The following COL16A1 variants were observed in gnomAD, a reference collection of about 807,000 sequenced individuals.
COL16A1 encodes the protein collagen alpha-1(XVI) chain.
Under a neutral mutation model 266.3 loss-of-function variants are expected in COL16A1, and 189 were observed. The ratio of observed to expected loss-of-function variants is 0.71; its 90% CI spans 0.63 to 0.80. COL16A1 has a LOEUF of 0.80. COL16A1 is among the 30% of genes least tolerant of loss of function. The pLI is 0.00. For synonymous variants in COL16A1, 740 were observed against 782.3 expected (o/e 0.95, Z 0.90); for missense variants, 1,928 against 2,122.4 (o/e 0.91, Z 1.80).
intron 10 of COL16A1, 51 bp from the exon 11 acceptor site, chr1:31,695,272 C>T: frequency 6.3e-7 from 1 of 1,578,436 alleles, no homozygotes; most frequent in Non-Finnish European, 8.7e-7. Flanking sequence ...CTGGGGTGAG[C>T]CCTCCCCACC....
intron 22 of COL16A1, 89 bp downstream of exon 22, chr1:31,690,278 C>T (rs1644200309): frequency 6.3e-7 from 1 of 1,585,000 alleles, no homozygotes; most frequent in Admixed American, 1.8e-5. Flanking sequence ...TCCAGCACCC[C>T]TAGGCCTAGG....
chr1:31,654,954 G>T, intron 67 of COL16A1, 96 bp from the exon 68 acceptor site: 1 of 1,199,902 alleles, frequency 8.3e-7, no homozygotes, highest in Non-Finnish European at 1.2e-6. Context: ...AAAGGTCCCA[G>T]GAGCCTCCCA....
At chr1:31,689,977 G>T in intron 22 of COL16A1, 126 bp from the exon 23 acceptor site, 1 of 751,100 alleles carries the variant, frequency 1.3e-6, no homozygotes, top group Admixed American at 2.5e-5. Flanking sequence ...ACATCAAAGT[G>T]GACAGCAGGA....
In COL16A1 at chr1:31,697,856, C is replaced by G. The variant is rs115230219; in HGVS notation, c.657+50G>C. ...CGATACGGATTCCAGGAAGCCCACT[C>G]AGGTTCCCAGAAGGCAGGAACAGAG... On this transcript the variant is annotated intron_variant, in intron 6 of 70. Transcript: ENST00000373672. This position sits in a 1 kb window ranked among gnomAD's most constrained non-coding sequence, Gnocchi z 4.2. 141 of 1,543,086 alleles carry G rather than the reference C, an allele frequency of 9.1e-5. No individual in the cohort carries two copies. The African/African-American group carries it at 1.8e-3, about 20-fold the overall frequency.
In COL16A1 at chr1:31,679,667, C is replaced by T. The variant is rs1250436955; in HGVS notation, c.2737G>A (p.Gly913Arg). The stretch of plus-strand genomic sequence containing the variant: ...GGTACTCCAGGGGGGCCTGGTGGTC[C>T]GGGAATACCTGGTGGACCCTGAGGG... ...PGPQGPPGIP[G>R]PPGPPGVPGL... Residue 913 changes from glycine (G) to arginine (R), a missense_variant, in exon 42 of 71, where the codon GGA becomes AGA. Transcript: ENST00000373672. 2 of 1,613,980 alleles carry T rather than the reference C, an allele frequency of 1.2e-6. No homozygotes were observed. Among genetic ancestry groups the T allele is most frequent in the Admixed American group, 1.7e-5 (1 of 60,000 alleles).
At chr1:31,680,149 C>G in intron 39 of COL16A1, 48 bp from the exon 40 acceptor site, 1 of 1,595,690 alleles carries the variant, frequency 6.3e-7, no homozygotes, top group Non-Finnish European at 8.5e-7. Context: ...ACGAAGGGCT[C>G]TCTTGAAATG....
rs1293039795 is a variant in COL16A1 at position 31,672,539 on chromosome 1, G to C, written c.3019-37C>G. 6 of 1,613,696 alleles carry C rather than the reference G, an allele frequency of 3.7e-6. No individual in the cohort carries two copies. In the East Asian group the frequency reaches 6.7e-5, roughly 18 times the overall value. On this transcript the variant is annotated intron_variant, in intron 46 of 70. Coordinates refer to ENST00000373672, the MANE Select transcript of COL16A1 (RefSeq NM_001856.4). ...TGGAGACGGTGATAGTGAGCAGTCA[G>C]GGCCTGTCCCTGTGGGGCATGGGGC...
intron 63 of COL16A1, 79 bp from the exon 64 acceptor site, chr1:31,658,656 C>A: frequency 7.6e-7 from 1 of 1,307,306 alleles, no homozygotes; most frequent in South Asian, 1.3e-5. Flanking sequence ...GACAGACACC[C>A]CATCGTGTGC....
rs1289514759 is a variant in COL16A1, at chr1:31,654,011, A to G, written c.4390T>C (p.Phe1464Leu). ...GGAGCTGCCGCCATCTCCATGGGGA[A>G]CTGCATCCTGGAGGTGTAGTAAGCC... Reference protein sequence around the residue: ...RMAYYTSRMQFPMEMAAAPGR... With the variant: ...RMAYYTSRMQLPMEMAAAPGR... The change falls in exon 69 of 71, where the codon TTC becomes CTC. Residue 1464 changes from phenylalanine to leucine, a missense_variant. Transcript: ENST00000373672. The G allele has an allele frequency of 1.9e-6, 3 of 1,614,130 alleles. No homozygotes were observed.
At position 31,684,517 on chromosome 1, in the gene COL16A1, A is replaced by T; in HGVS notation, c.2160+6T>A. On this transcript the variant is annotated splice_donor_region_variant and intron_variant, in intron 31 of 70. Coordinates refer to ENST00000373672, the MANE Select transcript of COL16A1 (RefSeq NM_001856.4). ...TCCCCGACCCCAACCACCCCGCCTG[A>T]CTAACCTTTTCTCCTTTTGGCCCCG... 2.5e-6 allele frequency: 4 copies of T among 1,610,496 alleles called. No individual in the cohort carries two copies. The Admixed American group carries it at 6.7e-5, about 27-fold the overall frequency.
chr1:31,690,453 G>A (rs2148802085), intron 21 of COL16A1, 60 bp from the exon 22 acceptor site: 1 of 1,614,198 alleles, frequency 6.2e-7, no homozygotes. Flanking sequence ...TGCCAACTGA[G>A]GGCCGGAGGA....
intron 44 of COL16A1, among the ~76,000 whole-genome samples, chr1:31,674,725 G>A (rs1420422385): frequency 6.6e-6 from 1 of 152,168 alleles, no homozygotes; most frequent in African/African-American, 2.4e-5. Context: ...GGGTCTCATT[G>A]CCAGCTGCTG....
At position 31,681,113 on chromosome 1, in the gene COL16A1, C is replaced by T. The variant is rs765454782; in HGVS notation, c.2539-46G>A. ...GTCAGAGGGTGAGACTGGGCAGCGGCCAGCCATCTGGCCTGCTGCAGAAAA... is the reference window on the plus strand; with the variant it reads ...GTCAGAGGGTGAGACTGGGCAGCGGTCAGCCATCTGGCCTGCTGCAGAAAA... On this transcript the variant is annotated intron_variant, in intron 37 of 70. Transcript: ENST00000373672. 2.5e-6 allele frequency: 4 copies of T among 1,576,390 alleles called. No individual in the cohort carries two copies. In the African/African-American group the frequency reaches 4.1e-5, roughly 16 times the overall value.
intron 12 of COL16A1, 53 bp downstream of exon 12, chr1:31,694,091 T>G: frequency 6.5e-7 from 1 of 1,547,614 alleles, no homozygotes; most frequent in Middle Eastern, 1.7e-4. Context: ...GCTGTGGGAA[T>G]GGCTGGGGAT....
Position 31,679,694 on chromosome 1 carries a change from G to T in COL16A1, c.2719-9C>A. The T allele has an allele frequency of 6.2e-7, 1 of 1,614,002 alleles. No homozygotes were observed. Among genetic ancestry groups the T allele is most frequent in the Non-Finnish European group, 8.5e-7 (1 of 1,179,986 alleles). On this transcript the variant is annotated splice_polypyrimidine_tract_variant and intron_variant, in intron 41 of 70. Coordinates refer to ENST00000373672, the MANE Select transcript of COL16A1 (RefSeq NM_001856.4). ...GGAATACCTGGTGGACCCTGAGGGA[G>T]AGAGAAAAGAGTCAGAGCCAGCAGA...
chr1:31,672,935 C>G, intron 44 of COL16A1, 95 bp from the exon 45 acceptor site: 3 of 1,146,108 alleles, frequency 2.6e-6, no homozygotes, highest in Non-Finnish European at 3.8e-6. Flanking sequence ...AGCCAGGGCT[C>G]CCTGCCCTGC....
rs1430995319 is a variant in COL16A1, at chr1:31,699,925, T to C, written c.154A>G (p.Asn52Asp). 4 of 1,611,826 alleles carry C rather than the reference T, an allele frequency of 2.5e-6. No homozygotes were observed. The highest frequency in any genetic ancestry group is 1.1e-5 in the South Asian group (1 of 91,014). Residue 52 changes from asparagine to aspartate, a missense_variant, in exon 4 of 71, where the codon AAC becomes GAC. By Grantham distance (23) the Asn-to-Asp change is conservative (BLOSUM62 1). Coordinates refer to ENST00000373672, the MANE Select transcript of COL16A1 (RefSeq NM_001856.4). ...SSLPANVTGF[N>D]LIHRLSLMKT... ...ATGAGGCTGAGTCGGTGGATGAGGT[T>C]GAAGCCTTTGGGGGAGACATCAGGT...
chr1:31,660,605 G>C lies in COL16A1; in HGVS notation c.3859C>G (p.Pro1287Ala). 1 of 1,614,214 alleles carries C rather than the reference G, an allele frequency of 6.2e-7. No homozygotes were observed. The change falls in exon 62 of 71, where the codon CCC becomes GCC. Residue 1287 changes from proline to alanine, a missense_variant. This residue lies in a region of COL16A1 where 376 missense variants were observed against 485.2 expected (regional missense o/e 0.77). Coordinates refer to ENST00000373672, the MANE Select transcript of COL16A1 (RefSeq NM_001856.4). ...CTCACAACGTGTCCCGGGGGACCGG[G>C]TCTTCCCTGGGGTCCCATGGCACCA... ...EPGAMGPQGR[P>A]GPPGHVGPPG...
chr1:31,692,030 C>T lies in COL16A1; in HGVS notation c.1232G>A (p.Gly411Asp), dbSNP rs536641069. 4 of 1,613,914 alleles carry T rather than the reference C, an allele frequency of 2.5e-6. No individual in the cohort carries two copies. The highest frequency in any genetic ancestry group is 1.1e-5 in the South Asian group (1 of 91,078). The change falls in exon 17 of 71, where the codon GGC (glycine) becomes GAC (aspartate). Residue 411 changes from glycine (G) to aspartate (D), a missense_variant. Gly to Asp is a moderately conservative substitution (Grantham distance 94). Coordinates refer to ENST00000373672, the MANE Select transcript of COL16A1 (RefSeq NM_001856.4). ...KGEKGDGGIK[G>D]VPGKPGRDGR... ...GTCCCGGCCTGGCTTTCCCGGCACG[C>T]CCTTGATGCCTCCGTCGCCCTTCTC...
Sources: gnomAD v4.1 joint callset for allele counts (sites outside exome capture counted in the v4.1 genomes callset) on GRCh38, gnomAD v4.1.1 for gene constraint, gnomAD v4.1.1 regional missense constraint, Gnocchi (gnomAD v3.1) non-coding constraint, MANE v1.5 for transcripts, NCBI Gene and HGNC (gene_info 2026-07-23, HGNC 2026-07-21) for gene names.